The following APBB2 variants were observed in gnomAD, a reference collection of about 807,000 sequenced individuals.
The protein encoded by APBB2 is amyloid beta precursor protein binding family B member 2.
Under a neutral mutation model 82.5 loss-of-function variants are expected in APBB2, and 38 were observed. The observed-to-expected ratio is 0.46, with a 90% CI of 0.36 to 0.60. The LOEUF (loss-of-function observed/expected upper bound fraction) is 0.60, where lower values mean the gene tolerates loss of function less well. APBB2 is among the 20% of genes least tolerant of loss of function. The probability of loss-of-function intolerance (pLI) is 0.00; values close to 1 mark genes in which losing one functional copy is unlikely to be tolerated. For missense variants in APBB2, 772 were observed against 972.3 expected (o/e 0.79, Z 2.74); for synonymous variants, 341 against 368.2 (o/e 0.93, Z 0.85).
At chr4:41,194,890 T>C in intron 1 of APBB2, among the ~76,000 whole-genome samples, 1 of 152,162 alleles carries the variant, frequency 6.6e-6, no homozygotes, top group African/African-American at 2.4e-5. Context: ...ATTGGATCAC[T>C]CATAAGTTTT....
intron 12 of APBB2, among the ~76,000 whole-genome samples, chr4:40,879,487 T>C (rs1767814018): frequency 6.6e-6 from 1 of 152,146 alleles, no homozygotes; most frequent in Non-Finnish European, 1.5e-5. Flanking sequence ...TGGGGGGCTC[T>C]GAACAACAAT....
intron 17 of APBB2, among the ~76,000 whole-genome samples, chr4:40,820,084 T>C (rs1403108013): frequency 6.6e-6 from 1 of 152,244 alleles, no homozygotes; most frequent in Non-Finnish European, 1.5e-5. Context: ...GCAAGGACTG[T>C]ATCTCAGTCA....
chr4:41,174,700 T>C (rs1769284851), intron 1 of APBB2, among the ~76,000 whole-genome samples: 1 of 152,142 alleles, frequency 6.6e-6, no homozygotes, highest in Admixed American at 6.6e-5. Context: ...TCTTGTGAGG[T>C]ACATGCAGCA....
intron 10 of APBB2, among the ~76,000 whole-genome samples, chr4:40,930,796 G>A (rs1784051789): frequency 6.6e-6 from 1 of 152,060 alleles, no homozygotes; most frequent in Non-Finnish European, 1.5e-5. Context: ...CGCCCAGGCT[G>A]GAGTGCAGTG....
At chr4:40,870,421 G>C (rs1451338937) in intron 12 of APBB2, among the ~76,000 whole-genome samples, 1 of 152,204 alleles carries the variant, frequency 6.6e-6, no homozygotes, top group Non-Finnish European at 1.5e-5. Flanking sequence ...CTCTACACAA[G>C]AGGGCCCTGG....
At chr4:41,006,754 C>T (rs1454010515) in intron 6 of APBB2, among the ~76,000 whole-genome samples, 1 of 152,154 alleles carries the variant, frequency 6.6e-6, no homozygotes, top group African/African-American at 2.4e-5. Context: ...GTGTGAGCCA[C>T]CGCGCCCAGC....
chr4:41,004,560 G>A (rs1271078333), intron 6 of APBB2, among the ~76,000 whole-genome samples: 1 of 150,628 alleles, frequency 6.6e-6, no homozygotes, highest in Non-Finnish European at 1.5e-5. Flanking sequence ...CTGGCATGTG[G>A]CCGGGCACGA....
rs745448879 is a variant in APBB2, at chr4:40,816,166, T to C, written c.2206A>G (p.Thr736Ala). The change falls in exon 18 of 18, where the codon ACC (threonine) becomes GCC (alanine). Residue 736 changes from threonine (T) to alanine (A), a missense_variant. Thr to Ala is a moderately conservative substitution (Grantham distance 58). Transcript: ENST00000508593. ...GATAAGACCCCTCGTTTTACATTGG[T>C]TGTGACTCTTCTGGTTACTGAATCT... ...PADSVTRRVT[T>A]NVKRGVLSLI... is the part of the protein sequence containing the mutation. 6.2e-7 allele frequency: 1 copy of C among 1,614,220 alleles called. No homozygotes were observed. The highest frequency in any genetic ancestry group is 8.5e-7 in the Non-Finnish European group (1 of 1,180,042).
intron 13 of APBB2, among the ~76,000 whole-genome samples, chr4:40,829,695 G>GA (rs1751203855): frequency 6.6e-6 from 1 of 152,108 alleles, no homozygotes; most frequent in African/African-American, 2.4e-5. Flanking sequence ...AGGGCAGAGG[G>GA]TGGGGGGATG....
At chr4:41,002,646 T>A (rs1475372534) in intron 6 of APBB2, among the ~76,000 whole-genome samples, 2 of 152,220 alleles carry the variant, frequency 1.3e-5, no homozygotes, top group African/African-American at 4.8e-5. Flanking sequence ...GCATTTGAGC[T>A]CAGCATTGTG....
intron 2 of APBB2, among the ~76,000 whole-genome samples, chr4:41,118,790 T>C (rs1696075058): frequency 6.6e-6 from 1 of 152,124 alleles, no homozygotes; most frequent in Admixed American, 6.6e-5. Context: ...GAGGGAGTAT[T>C]GAGATACCCT....
chr4:41,048,652 CCTCCCTCTCCCTCCCGTCTCCCCTACGGT>C (rs1463560227), intron 4 of APBB2, among the ~76,000 whole-genome samples: 10 of 148,996 alleles, frequency 6.7e-5, no homozygotes, highest in Non-Finnish European at 1.3e-4. Context: ...TCCCCCTCCC[CCTCCCTCTCCCTCCCGTCTCCCCTACGGT>C]CTCCCTCTCC....
intron 1 of APBB2, among the ~76,000 whole-genome samples, chr4:41,163,156 G>C (rs1765615425): frequency 6.6e-6 from 1 of 152,216 alleles, no homozygotes; most frequent in South Asian, 2.1e-4. Flanking sequence ...GACAGCTTGG[G>C]TAATGCCACA....
chr4:41,050,429 T>G (rs1161358065), intron 4 of APBB2, among the ~76,000 whole-genome samples: 2 of 152,222 alleles, frequency 1.3e-5, no homozygotes, highest in African/African-American at 4.8e-5. Context: ...GACATTCTGC[T>G]GGTGACTGAA....
chr4:40,847,090 T>C (rs1757897909), intron 12 of APBB2, among the ~76,000 whole-genome samples: 1 of 152,152 alleles, frequency 6.6e-6, no homozygotes, highest in Non-Finnish European at 1.5e-5. Flanking sequence ...AATGAAAGGA[T>C]AACGTTATAT....
intron 6 of APBB2, among the ~76,000 whole-genome samples, chr4:40,964,106 T>C (rs371411784): frequency 6.6e-6 from 1 of 152,150 alleles, no homozygotes; most frequent in African/African-American, 2.4e-5. Flanking sequence ...CCCCACCAAC[T>C]TTCTGCTTCC....
intron 12 of APBB2, chr4:40,881,534 C>T (rs73242091): frequency 0.4 from 57,323 of 144,326 alleles, 12,873 homozygotes; most frequent in East Asian, 0.79. Context: ...TTTTCTTTTT[C>T]TTTTTTTTTT....
chr4:40,811,431 G>C lies in APBB2; in HGVS notation c.*4661C>G, dbSNP rs995628742. ...TGGCCAGGCGTGGCGGTGCATGCCT[G>C]TAATCCCAGCTACTCAGGAGGCTGA... On this transcript the variant is annotated 3_prime_UTR_variant, in exon 18 of 18. Transcript: ENST00000508593. The C allele has an allele frequency of 6.6e-6, 1 of 152,004 alleles. No homozygotes were observed. The highest frequency in any genetic ancestry group is 6.6e-5 in the Admixed American group (1 of 15,256). The allele number at this position is 152,004 out of a possible 1,614,324, so 9.4% of individuals were successfully genotyped here.
At chr4:41,128,573 T>C (rs1755077825) in intron 2 of APBB2, among the ~76,000 whole-genome samples, 1 of 152,256 alleles carries the variant, frequency 6.6e-6, no homozygotes, top group Non-Finnish European at 1.5e-5. Flanking sequence ...TAATAACTTA[T>C]GACTCCAGTT....
Sources: allele counts gnomAD v4.1 joint callset (sites outside exome capture counted in the v4.1 genomes callset), GRCh38; gene constraint gnomAD v4.1.1; transcripts MANE v1.5; gene names NCBI Gene and HGNC (gene_info 2026-07-23, HGNC 2026-07-21).